The following PLCXD3 variants were observed in gnomAD, a reference collection of about 807,000 sequenced individuals.
PLCXD3 encodes phosphatidylinositol specific phospholipase C X domain containing 3.
A neutral mutation model predicts 25.5 loss-of-function variants in PLCXD3; 19 were observed. The ratio of observed to expected loss-of-function variants is 0.75; its 90% CI spans 0.52 to 1.09. The LOEUF (loss-of-function observed/expected upper bound fraction) is 1.09. Ranked by LOEUF, PLCXD3 falls within the 50% of genes least tolerant of loss-of-function variation. PLCXD3 has a pLI of 0.00. For missense variants in PLCXD3, 411 were observed against 388.1 expected (o/e 1.06, Z -0.50); for synonymous variants, 174 against 137.6 (o/e 1.26, Z -1.85).
intron 1 of PLCXD3, among the ~76,000 whole-genome samples, chr5:41,493,039 T>C (rs1179157951): frequency 6.6e-6 from 1 of 152,170 alleles, no homozygotes; most frequent in African/African-American, 2.4e-5. Flanking sequence ...TTCTACTCTG[T>C]TTTTTTCCCC....
At chr5:41,385,335 G>T (rs1745603896) in intron 1 of PLCXD3, among the ~76,000 whole-genome samples, 1 of 151,950 alleles carries the variant, frequency 6.6e-6, no homozygotes, top group African/African-American at 2.4e-5. Flanking sequence ...TCTTGGACCT[G>T]GTACTTAATG....
intron 1 of PLCXD3, among the ~76,000 whole-genome samples, chr5:41,401,590 A>G (rs1746188204): frequency 6.6e-6 from 1 of 152,050 alleles, no homozygotes. Context: ...CTATTATGAT[A>G]GGCAGCCTTT....
intron 1 of PLCXD3, among the ~76,000 whole-genome samples, chr5:41,462,758 C>T (rs1047976937): frequency 6.6e-5 from 10 of 151,004 alleles, no homozygotes; most frequent in Non-Finnish European, 5.9e-5. Flanking sequence ...TCACTCCAGC[C>T]TGGGCAAAAG....
At chr5:41,342,960 T>A (rs1744193705) in intron 2 of PLCXD3, among the ~76,000 whole-genome samples, 1 of 152,134 alleles carries the variant, frequency 6.6e-6, no homozygotes, top group Admixed American at 6.6e-5. Context: ...GTCCTAGAAG[T>A]CTACAGTTCT....
At chr5:41,369,266 C>T (rs1745024184) in intron 2 of PLCXD3, among the ~76,000 whole-genome samples, 1 of 152,096 alleles carries the variant, frequency 6.6e-6, no homozygotes, top group South Asian at 2.1e-4. Context: ...AACAATAGTC[C>T]ATCATGACTC....
intron 2 of PLCXD3, among the ~76,000 whole-genome samples, chr5:41,344,537 A>T (rs1055743522): frequency 2.0e-5 from 3 of 152,034 alleles, no homozygotes; most frequent in Non-Finnish European, 4.4e-5. Context: ...AGTTCCCATT[A>T]TTTTGCTCTT....
intron 1 of PLCXD3, among the ~76,000 whole-genome samples, chr5:41,462,572 G>A (rs1214950250): frequency 2.0e-5 from 3 of 151,978 alleles, no homozygotes; most frequent in African/African-American, 4.8e-5. Flanking sequence ...TAGAAGAAGA[G>A]TGGCTCAAGA....
chr5:41,446,190 AAAAAAAAAAAAG>A (rs1372830442), intron 1 of PLCXD3, among the ~76,000 whole-genome samples: 1 of 148,344 alleles, frequency 6.7e-6, no homozygotes, highest in African/African-American at 2.5e-5. Context: ...AAAAAAAAAA[AAAAAAAAAAAAG>A]AACAACGAGA....
intron 1 of PLCXD3, among the ~76,000 whole-genome samples, chr5:41,385,521 A>T (rs1184943780): frequency 6.6e-6 from 1 of 152,086 alleles, no homozygotes; most frequent in African/African-American, 2.4e-5. Context: ...GGAAATAAGC[A>T]CTTTAATTTG....
chr5:41,505,678 A>G (rs1749039377), intron 1 of PLCXD3, among the ~76,000 whole-genome samples: 1 of 152,202 alleles, frequency 6.6e-6, no homozygotes, highest in South Asian at 2.1e-4. Context: ...AGTGCTATCG[A>G]TGGCCAATAA....
chr5:41,488,253 T>C (rs1748566331), intron 1 of PLCXD3, among the ~76,000 whole-genome samples: 1 of 146,858 alleles, frequency 6.8e-6, no homozygotes, highest in Non-Finnish European at 1.5e-5. Context: ...ACAAAGGACA[T>C]GAACTCATCA....
At chr5:41,418,393 C>A (rs978910890) in intron 1 of PLCXD3, among the ~76,000 whole-genome samples, 1 of 152,124 alleles carries the variant, frequency 6.6e-6, no homozygotes, top group African/African-American at 2.4e-5. Flanking sequence ...TATGCAGCTA[C>A]TGTGAGTACT....
chr5:41,384,664 A>G (rs1338843447), intron 1 of PLCXD3, among the ~76,000 whole-genome samples: 1 of 152,102 alleles, frequency 6.6e-6, no homozygotes, highest in Non-Finnish European at 1.5e-5. Flanking sequence ...TTTCTATCAC[A>G]TGGTTATGTG....
chr5:41,430,290 T>C (rs1477426043), intron 1 of PLCXD3, among the ~76,000 whole-genome samples: 1 of 152,208 alleles, frequency 6.6e-6, no homozygotes, highest in Non-Finnish European at 1.5e-5. Context: ...TAATTTGCTT[T>C]CCATGAGAGA....
chr5:41,440,249 T>TTTTTTTTTTG (rs751131624), intron 1 of PLCXD3, among the ~76,000 whole-genome samples: 1,032 of 100,278 alleles, frequency 0.01, 74 homozygotes, highest in East Asian at 0.021. Context: ...TTTTTTTTTT[T>TTTTTTTTTTG]TTAGTCAGAG....
chr5:41,462,165 T>G (rs1747891232), intron 1 of PLCXD3, among the ~76,000 whole-genome samples: 1 of 152,000 alleles, frequency 6.6e-6, no homozygotes. Flanking sequence ...ATCATATAGT[T>G]GCATATAGGG....
At chr5:41,425,501 T>G (rs1746934389) in intron 1 of PLCXD3, among the ~76,000 whole-genome samples, 1 of 152,180 alleles carries the variant, frequency 6.6e-6, no homozygotes, top group Admixed American at 6.5e-5. Flanking sequence ...AAGTCCATAG[T>G]TCACATTAGC....
At chr5:41,465,384 T>TTTTTTTTTTTTTTTTC (rs1747993958) in intron 1 of PLCXD3, among the ~76,000 whole-genome samples, 1 of 131,440 alleles carries the variant, frequency 7.6e-6, no homozygotes, top group African/African-American at 2.7e-5. Flanking sequence ...TTTTTTTTTT[T>TTTTTTTTTTTTTTTTC]TTGCATTTCT....
Position 41,330,308 on chromosome 5 carries a change from C to T in PLCXD3, c.813-16538G>A, listed in dbSNP as rs544626201. Among the ~76,000 whole-genome samples, 3 of 152,276 alleles carry T rather than the reference C, an allele frequency of 2.0e-5. No individual in the cohort carries two copies. In the East Asian group the frequency reaches 5.8e-4, roughly 29 times the overall value. ...AAATACAAACTACCATCAGAGAACA[C>T]TACAAACACCTCTACGCAAATAAAC... is the stretch of plus-strand genomic sequence containing the variant. On this transcript the variant is annotated intron_variant, in intron 2 of 2. Transcript: ENST00000377801.
Sources: gnomAD v4.1 joint callset for allele counts (sites outside exome capture counted in the v4.1 genomes callset) on GRCh38, gnomAD v4.1.1 for gene constraint, MANE v1.5 for transcripts, NCBI Gene and HGNC (gene_info 2026-07-23, HGNC 2026-07-21) for gene names.